Variants in STX8 observed in about 807,000 individuals in gnomAD.
STX8 encodes syntaxin-8.
In STX8, 23 loss-of-function variants were observed where a neutral mutation model predicts 37.5. The ratio of observed to expected loss-of-function variants is 0.61; its 90% CI spans 0.44 to 0.87. The LOEUF (loss-of-function observed/expected upper bound fraction) is 0.87, where lower values mean the gene tolerates loss of function less well. Among genes scored for constraint, STX8 ranks in the 40% least tolerant of loss-of-function variants. The pLI is 0.00. For synonymous variants in STX8, 115 were observed against 99.1 expected, an observed-to-expected ratio of 1.16 and a Z score of -0.95; for missense variants, 313 against 284.7, an observed-to-expected ratio of 1.10 and a Z score of -0.71.
chr17:9,390,351 G>A (rs1004970996), intron 6 of STX8, among the ~76,000 whole-genome samples: 1 of 151,440 alleles, frequency 6.6e-6, no homozygotes, highest in East Asian at 1.9e-4. Flanking sequence ...ATGAAACCCC[G>A]TCTCTACTAA....
chr17:9,451,975 A>G (rs950859044), intron 6 of STX8, among the ~76,000 whole-genome samples: 2 of 152,210 alleles, frequency 1.3e-5, no homozygotes, highest in African/African-American at 4.8e-5. Flanking sequence ...CAGTTAAAAC[A>G]TGGAAGGATT....
At chr17:9,511,079 G>T (rs1046456084) in intron 4 of STX8, among the ~76,000 whole-genome samples, 2 of 152,014 alleles carry the variant, frequency 1.3e-5, no homozygotes, top group Admixed American at 1.3e-4. Flanking sequence ...TTTAAAACCT[G>T]AACAGACCAA....
intron 6 of STX8, among the ~76,000 whole-genome samples, chr17:9,489,155 G>A (rs1416301786): frequency 6.6e-6 from 1 of 152,184 alleles, no homozygotes; most frequent in Non-Finnish European, 1.5e-5. Flanking sequence ...GGGATTACAG[G>A]CGTGAGCCAC....
At chr17:9,339,840 T>C (rs1262239534) in intron 7 of STX8, among the ~76,000 whole-genome samples, 1 of 152,208 alleles carries the variant, frequency 6.6e-6, no homozygotes, top group Admixed American at 6.5e-5. Context: ...AGACATTATG[T>C]ATCTTTGAAA....
At chr17:9,414,237 T>C (rs1178953580) in intron 6 of STX8, among the ~76,000 whole-genome samples, 3 of 150,884 alleles carry the variant, frequency 2.0e-5, no homozygotes, top group African/African-American at 4.9e-5. Context: ...GCTACAGAAT[T>C]TCCCTAAGAA....
chr17:9,514,848 AG>A (rs1341252072), intron 4 of STX8, among the ~76,000 whole-genome samples: 1 of 152,142 alleles, frequency 6.6e-6, no homozygotes, highest in East Asian at 1.9e-4. Context: ...CATATCCACT[AG>A]ACAGAAGGCA....
At chr17:9,454,703 T>C (rs1289652771) in intron 6 of STX8, among the ~76,000 whole-genome samples, 5 of 149,908 alleles carry the variant, frequency 3.3e-5, no homozygotes, top group Non-Finnish European at 7.4e-5. Context: ...AAAAAACTTA[T>C]GAATTGTTTT....
chr17:9,380,296 T>C (rs1005978110), intron 6 of STX8, among the ~76,000 whole-genome samples: 5 of 147,896 alleles, frequency 3.4e-5, no homozygotes, highest in African/African-American at 1.3e-4. Flanking sequence ...GGTCTTGCTC[T>C]GTCACCCAGA....
intron 4 of STX8, among the ~76,000 whole-genome samples, chr17:9,527,135 C>T (rs1181883014): frequency 1.5e-5 from 2 of 129,636 alleles, no homozygotes; most frequent in Non-Finnish European, 3.2e-5. Context: ...GCCGAGATTG[C>T]GCCACTGCAG....
intron 6 of STX8, among the ~76,000 whole-genome samples, chr17:9,410,741 T>C (rs1912950804): frequency 6.6e-6 from 1 of 152,236 alleles, no homozygotes; most frequent in African/African-American, 2.4e-5. Context: ...TGTAAGCATA[T>C]TATCCATAAA....
rs146155169 is a variant in STX8 at position 9,500,193 on chromosome 17, A to G, written c.448+4845T>C. Among the ~76,000 whole-genome samples the G allele has an allele frequency of 7.2e-5, 11 of 152,316 alleles. No individual in the cohort carries two copies. In the East Asian group the frequency reaches 2.1e-3, roughly 29 times the overall value. On this transcript the variant is annotated intron_variant, in intron 5 of 7. Transcript: ENST00000306357. Reference sequence around the variant, plus strand: ...ATTTCACTGTGAAAAGGGAATTCGAAATAGAATCAGATTTCTGCTTCTGCC... The same window carrying G: ...ATTTCACTGTGAAAAGGGAATTCGAGATAGAATCAGATTTCTGCTTCTGCC...
At position 9,507,241 on chromosome 17, in the gene STX8, A is replaced by C. The variant is rs1364334375; in HGVS notation, c.324-2079T>G. ...GGCCCCACACCTCAATCAGGGCCTG[A>C]GAAACAACCCTGCAGGCTGCCCCTG... On this transcript the variant is annotated intron_variant, in intron 4 of 7. Coordinates refer to ENST00000306357, the MANE Select transcript of STX8 (RefSeq NM_004853.3). This position sits in a 1 kb window ranked among gnomAD's most constrained non-coding sequence, Gnocchi z 4.0. Among the ~76,000 whole-genome samples, 1 of 151,058 alleles carries C rather than the reference A, an allele frequency of 6.6e-6. No individual in the cohort carries two copies. The highest frequency in any genetic ancestry group is 1.5e-5 in the Non-Finnish European group (1 of 67,764).
At chr17:9,289,418 G>A (rs1908225302) in intron 7 of STX8, among the ~76,000 whole-genome samples, 1 of 152,090 alleles carries the variant, frequency 6.6e-6, no homozygotes, top group Admixed American at 6.6e-5. Context: ...TACCAGTTTG[G>A]ACTGGTTTAG....
intron 6 of STX8, among the ~76,000 whole-genome samples, chr17:9,443,436 G>A (rs1288692288): frequency 6.6e-6 from 1 of 152,126 alleles, no homozygotes; most frequent in African/African-American, 2.4e-5. Context: ...AGCAATGTGG[G>A]ACAGTCTGTT....
chr17:9,482,398 A>G (rs576063754), intron 6 of STX8, among the ~76,000 whole-genome samples: 2 of 152,218 alleles, frequency 1.3e-5, no homozygotes, highest in East Asian at 3.9e-4. Context: ...TACAACTATT[A>G]AAATACAAGA....
intron 5 of STX8, among the ~76,000 whole-genome samples, chr17:9,492,247 T>A (rs538211781): frequency 6.6e-6 from 1 of 152,122 alleles, no homozygotes; most frequent in Non-Finnish European, 1.5e-5. Flanking sequence ...ATTTTTTAAA[T>A]CAGCAGAGGA....
chr17:9,458,674 G>C (rs1905259880), intron 6 of STX8, among the ~76,000 whole-genome samples: 1 of 152,190 alleles, frequency 6.6e-6, no homozygotes, highest in African/African-American at 2.4e-5. Flanking sequence ...GCAATATGAA[G>C]TATGGATCAG....
chr17:9,500,274 A>C lies in STX8; in HGVS notation c.448+4764T>G, dbSNP rs80289826. ...TCTGGACTGAAACAACTGGAAAAACAAAACAAAACAGGGTAAATATACGAA... is the reference window on the plus strand; with the variant it reads ...TCTGGACTGAAACAACTGGAAAAACCAAACAAAACAGGGTAAATATACGAA... On this transcript the variant is annotated intron_variant, in intron 5 of 7. Coordinates refer to ENST00000306357, the MANE Select transcript of STX8 (RefSeq NM_004853.3). Among the ~76,000 whole-genome samples the C allele has an allele frequency of 2.3e-3, 353 of 152,340 alleles. 1 individual carries two copies. Among genetic ancestry groups the C allele is most frequent in the Middle Eastern group, 0.01 (3 of 294 alleles).
At chr17:9,314,035 T>G (rs1241505976) in intron 7 of STX8, among the ~76,000 whole-genome samples, 1 of 152,188 alleles carries the variant, frequency 6.6e-6, no homozygotes, top group Admixed American at 6.5e-5. Context: ...TCTCATTTGG[T>G]TTAACAGTTA....
Sources: gnomAD v4.1 joint callset for allele counts (sites outside exome capture counted in the v4.1 genomes callset) on GRCh38, gnomAD v4.1.1 for gene constraint, Gnocchi (gnomAD v3.1) non-coding constraint, MANE v1.5 for transcripts, NCBI Gene and HGNC (gene_info 2026-07-23, HGNC 2026-07-21) for gene names.